PPM1H: variants seen among roughly 807,000 people sequenced by gnomAD.
The protein encoded by PPM1H is protein phosphatase 1H.
Under a neutral mutation model 54.9 loss-of-function variants are expected in PPM1H, and 27 were observed. That is an observed-to-expected ratio of 0.49 (90% CI 0.36 to 0.68). PPM1H has a LOEUF of 0.68. Among genes scored for constraint, PPM1H ranks in the 30% least tolerant of loss-of-function variants. PPM1H has a pLI of 0.00. For synonymous variants in PPM1H, 305 were observed against 270.8 expected (o/e 1.13, Z -1.24); for missense variants, 596 against 667.8 (o/e 0.89, Z 1.19).
intron 1 of PPM1H, among the ~76,000 whole-genome samples, chr12:62,896,177 C>T (rs937733783): frequency 2.0e-5 from 3 of 152,066 alleles, no homozygotes; most frequent in African/African-American, 7.2e-5. Context: ...AAAAAAATTG[C>T]CAGTGTTATG....
intron 6 of PPM1H, among the ~76,000 whole-genome samples, chr12:62,703,150 GAC>G (rs1339414973): frequency 3.9e-5 from 6 of 152,192 alleles, no homozygotes; most frequent in Non-Finnish European, 8.8e-5. Flanking sequence ...TAAGCAGGAA[GAC>G]ACAGCACATC....
rs138914191 is a variant in PPM1H, at chr12:62,863,507, T to G, written c.246-31228A>C. On this transcript the variant is annotated intron_variant, in intron 1 of 9. Coordinates refer to ENST00000228705, the MANE Select transcript of PPM1H (RefSeq NM_020700.2). ...CCATTTCCCACAAGTGAATTTTCAA[T>G]GGACTCACTTTCACACATAAGGTAA... Among the ~76,000 whole-genome samples, 481 of 152,324 alleles carry G rather than the reference T, an allele frequency of 3.2e-3. 1 individual carries two copies. Among genetic ancestry groups the G allele is most frequent in the African/African-American group, 0.011 (437 of 41,568 alleles).
At chr12:62,808,333 T>A (rs967069811) in intron 2 of PPM1H, among the ~76,000 whole-genome samples, 1 of 152,216 alleles carries the variant, frequency 6.6e-6, no homozygotes, top group African/African-American at 2.4e-5. Context: ...GACCAGAGTC[T>A]ATGCTTTCAG....
chr12:62,733,443 G>A (rs1159829700), intron 5 of PPM1H, among the ~76,000 whole-genome samples: 1 of 152,082 alleles, frequency 6.6e-6, no homozygotes, highest in African/African-American at 2.4e-5. Context: ...ATTTTTAGTA[G>A]AGATGGGGTT....
At chr12:62,908,375 C>A (rs1871361105) in intron 1 of PPM1H, among the ~76,000 whole-genome samples, 1 of 136,796 alleles carries the variant, frequency 7.3e-6, no homozygotes, top group South Asian at 2.2e-4. Flanking sequence ...CCACTGCACT[C>A]CAGCCTGGGT....
intron 2 of PPM1H, among the ~76,000 whole-genome samples, chr12:62,818,857 G>C (rs2076885678): frequency 7.1e-6 from 1 of 141,698 alleles, no homozygotes; most frequent in African/African-American, 2.7e-5. Flanking sequence ...GTCTCACTCA[G>C]TTGCCCAGGC....
At position 62,817,289 on chromosome 12, in the gene PPM1H, C is replaced by T. The variant is rs1297546025; in HGVS notation, c.411+14825G>A. On this transcript the variant is annotated intron_variant, in intron 2 of 9. Transcript: ENST00000228705. ...CATCCTGGCTAACACGGTGAAACCC[C>T]GTCTCTACTAAAAATACAAAAAATT... Among the ~76,000 whole-genome samples, 5 of 151,152 alleles carry T rather than the reference C, an allele frequency of 3.3e-5. No homozygotes were observed. The East Asian group carries it at 7.7e-4, about 23-fold the overall frequency.
chr12:62,831,790 TACAC>T (rs80273207), intron 2 of PPM1H, among the ~76,000 whole-genome samples: 32 of 148,086 alleles, frequency 2.2e-4, no homozygotes, highest in Admixed American at 8.7e-4. Context: ...TATATACGTA[TACAC>T]ACACACACAC....
At chr12:62,799,596 C>T (rs2076753993) in intron 3 of PPM1H, among the ~76,000 whole-genome samples, 1 of 152,204 alleles carries the variant, frequency 6.6e-6, no homozygotes, top group South Asian at 2.1e-4. Context: ...TGAGATTTTA[C>T]ACCACGACTG....
intron 8 of PPM1H, among the ~76,000 whole-genome samples, chr12:62,684,971 T>C (rs1344746689): frequency 2.0e-5 from 3 of 151,954 alleles, no homozygotes; most frequent in East Asian, 1.9e-4. Flanking sequence ...TCCTCCATAG[T>C]AGCCAATTCA....
At chr12:62,917,096 A>T (rs1871648677) in intron 1 of PPM1H, among the ~76,000 whole-genome samples, 1 of 152,258 alleles carries the variant, frequency 6.6e-6, no homozygotes, top group South Asian at 2.1e-4. Flanking sequence ...TTTCAAAACC[A>T]AACCTCAAGC....
rs1167348638 is a variant in PPM1H, at chr12:62,934,242, G to A, written c.245+250C>T. Among the ~76,000 whole-genome samples the A allele has an allele frequency of 6.6e-6, 1 of 152,082 alleles. No homozygotes were observed. The highest frequency in any genetic ancestry group is 2.4e-5 in the African/African-American group (1 of 41,404). The stretch of plus-strand genomic sequence containing the variant: ...ACCTGTCTCACCTTAGCTTTCCCAC[G>A]CTCCAGCGCTGCCACCCACCCCTCC... On this transcript the variant is annotated intron_variant, in intron 1 of 9. Transcript: ENST00000228705. The surrounding 1 kb of genome is among the most constrained non-coding windows in gnomAD (Gnocchi z 4.2).
intron 1 of PPM1H, among the ~76,000 whole-genome samples, chr12:62,859,361 C>T (rs776747037): frequency 1.1e-4 from 16 of 152,144 alleles, no homozygotes; most frequent in East Asian, 7.7e-4. Context: ...GTGCCTTTTC[C>T]GGCTCCACAG....
chr12:62,781,270 C>G (rs561713144), intron 4 of PPM1H, among the ~76,000 whole-genome samples: 2 of 152,186 alleles, frequency 1.3e-5, no homozygotes, highest in African/African-American at 4.8e-5. Flanking sequence ...GGCCTAAGTT[C>G]TAGGATGTCA....
intron 4 of PPM1H, among the ~76,000 whole-genome samples, chr12:62,776,710 T>G (rs1198184551): frequency 1.3e-5 from 2 of 152,130 alleles, no homozygotes; most frequent in Admixed American, 6.5e-5. Flanking sequence ...ATTTCAACAC[T>G]CTACCTCCCA....
intron 1 of PPM1H, among the ~76,000 whole-genome samples, chr12:62,882,986 C>T (rs1870451438): frequency 6.6e-6 from 1 of 152,062 alleles, no homozygotes; most frequent in East Asian, 1.9e-4. Context: ...CTAAATAGCT[C>T]TCCTGTGAAA....
At chr12:62,666,056 A>G (rs187630632) in intron 9 of PPM1H, among the ~76,000 whole-genome samples, 1 of 151,398 alleles carries the variant, frequency 6.6e-6, no homozygotes, top group East Asian at 2.0e-4. Flanking sequence ...GCATGTTAAA[A>G]TATTTTATAT....
intron 8 of PPM1H, among the ~76,000 whole-genome samples, chr12:62,680,636 C>T (rs2076014491): frequency 6.6e-6 from 1 of 152,186 alleles, no homozygotes; most frequent in South Asian, 2.1e-4. Context: ...CCATCTTGGA[C>T]TTCCAGCCCA....
chr12:62,817,797 T>A (rs1011515952), intron 2 of PPM1H, among the ~76,000 whole-genome samples: 2 of 152,198 alleles, frequency 1.3e-5, no homozygotes, highest in Non-Finnish European at 2.9e-5. Flanking sequence ...CCTTTTGCCT[T>A]TCCCTGCCCC....
Sources: gnomAD v4.1 joint callset for allele counts (sites outside exome capture counted in the v4.1 genomes callset) on GRCh38, gnomAD v4.1.1 for gene constraint, Gnocchi (gnomAD v3.1) non-coding constraint, MANE v1.5 for transcripts, NCBI Gene and HGNC (gene_info 2026-07-23, HGNC 2026-07-21) for gene names.